The following TREM1 variants were observed in gnomAD, a reference collection of about 807,000 sequenced individuals.
TREM1 encodes the protein triggering receptor expressed on monocytes 1.
Under a neutral mutation model 22.4 loss-of-function variants are expected in TREM1, and 16 were observed. The observed-to-expected ratio is 0.71, with a 90% confidence interval of 0.48 to 1.08. TREM1 has a LOEUF of 1.08. Among genes scored for constraint, TREM1 ranks in the 50% least tolerant of loss-of-function variants. The pLI, the probability that TREM1 is intolerant of heterozygous loss-of-function variation, is 0.00. For missense variants in TREM1, 283 were observed against 282.9 expected (o/e 1.00, Z 0.00); for synonymous variants, 110 against 111.6 (o/e 0.99, Z 0.09).
In TREM1 at chr6:41,282,588, CT is replaced by C; in HGVS notation, c.212del (p.Glu71GlyfsTer17). On this transcript the variant is annotated frameshift_variant, in exon 2 of 4. Coordinates refer to ENST00000244709, the MANE Select transcript of TREM1 (RefSeq NM_018643.5). LOFTEE classifies it high-confidence loss of function. ...GEMPKTLACTERPSKNSHPVQ... is the reference protein window; with the variant it reads ...GEMPKTLACTXRPSKNSHPVQ... Reference sequence around the variant, plus strand: ...CTGGATGGGAATTCTTTGAAGGCCTCTCTGTGCATGCCAGGGTCTTGGGCAT... The same window carrying C: ...CTGGATGGGAATTCTTTGAAGGCCTCCTGTGCATGCCAGGGTCTTGGGCAT... The C allele has an allele frequency of 6.2e-7, 1 of 1,614,206 alleles. No homozygotes were observed.
At chr6:41,268,254 T>A (rs1019118716) in intron 3 of TREM1, among the ~76,000 whole-genome samples, 1 of 152,194 alleles carries the variant, frequency 6.6e-6, no homozygotes, top group Non-Finnish European at 1.5e-5. Context: ...TAGCCTCAAG[T>A]TTTCTCCAGT....
Position 41,282,590 on chromosome 6 carries a change from C to T in TREM1, c.211G>A (p.Glu71Lys). 1 of 1,614,086 alleles carries T rather than the reference C, an allele frequency of 6.2e-7. No homozygotes were observed. The highest frequency in any genetic ancestry group is 2.2e-5 in the East Asian group (1 of 44,888). The change falls in exon 2 of 4, where the codon GAG (glutamate) becomes AAG (lysine). Residue 71 changes from glutamate to lysine, a missense_variant. By Grantham distance (56) the Glu-to-Lys change is moderately conservative. Coordinates refer to ENST00000244709, the MANE Select transcript of TREM1 (RefSeq NM_018643.5). ...GEMPKTLACTERPSKNSHPVQ... is the reference protein window; with the variant it reads ...GEMPKTLACTKRPSKNSHPVQ... ...GGATGGGAATTCTTTGAAGGCCTCTCTGTGCATGCCAGGGTCTTGGGCATC... is the reference window on the plus strand; with the variant it reads ...GGATGGGAATTCTTTGAAGGCCTCTTTGTGCATGCCAGGGTCTTGGGCATC...
At chr6:41,272,498 G>A (rs35956709), downstream of TREM1, among the ~76,000 whole-genome samples, 15,243 of 152,148 alleles carry the variant, frequency 0.1, 961 homozygotes, top group African/African-American at 0.17. Flanking sequence ...GGACAGGCAC[G>A]TGGCTTCACT....
intron 3 of TREM1, chr6:41,280,591 T>G: frequency 1.6e-6 from 2 of 1,233,614 alleles, no homozygotes; most frequent in Non-Finnish European, 2.0e-6. Flanking sequence ...AAAGTCACAT[T>G]CAGTTAGTCA....
chr6:41,282,699 C>A lies in TREM1; in HGVS notation c.102G>T (p.Gly34=). The change falls in exon 2 of 4, where the codon GGG becomes GGT. Residue 34 remains glycine (G), a synonymous_variant. Transcript: ENST00000244709. ...LTEEKYELKE[G]QTLDVKCDYT... is the part of the protein sequence containing the mutation. ...AGTCACATTTCACATCCAGGGTCTGCCCCTCTTTCAGTTCATACTTTTCCT... is the reference window on the plus strand; with the variant it reads ...AGTCACATTTCACATCCAGGGTCTGACCCTCTTTCAGTTCATACTTTTCCT... 33 of 1,614,136 alleles carry A rather than the reference C, an allele frequency of 2.0e-5. No homozygotes were observed. Among genetic ancestry groups the A allele is most frequent in the Non-Finnish European group, 2.8e-5 (33 of 1,180,016 alleles).
intron 3 of TREM1, among the ~76,000 whole-genome samples, chr6:41,279,320 A>G (rs1197565490): frequency 6.6e-6 from 1 of 152,174 alleles, no homozygotes; most frequent in African/African-American, 2.4e-5. Context: ...TACCCTGGGG[A>G]GCGCTTTCTC....
rs766134942 is a variant in TREM1, at chr6:41,281,134, G to T, written c.426C>A (p.Gly142=). The T allele has an allele frequency of 6.2e-7, 1 of 1,613,738 alleles. No individual in the cohort carries two copies. The highest frequency in any genetic ancestry group is 8.5e-7 in the Non-Finnish European group (1 of 1,179,682). ...VVTKGFSGTP[G]SNENSTQNVY... is the part of the protein sequence containing the mutation. Reference sequence around the variant, plus strand: ...CATTCTGGGTAGAATTCTCATTGGAGCCAGGGGTCCCTGAAAAACCTGCAA... The same window carrying T: ...CATTCTGGGTAGAATTCTCATTGGATCCAGGGGTCCCTGAAAAACCTGCAA... The change falls in exon 3 of 4, where the codon GGC becomes GGA. Residue 142 remains glycine, a synonymous_variant. Transcript: ENST00000244709.
At chr6:41,280,673 GA>G (rs1767868314) in intron 3 of TREM1, 2 of 1,410,372 alleles carry the variant, frequency 1.4e-6, no homozygotes, top group Non-Finnish European at 1.8e-6. Context: ...GGGGTTGGAT[GA>G]GCTCCACTGG....
At chr6:41,276,769 G>A (rs534650591) in intron 3 of TREM1, among the ~76,000 whole-genome samples, 2 of 152,208 alleles carry the variant, frequency 1.3e-5, no homozygotes, top group South Asian at 4.1e-4. Context: ...CATGCAAGCA[G>A]ATGAGAGCAC....
At chr6:41,284,674 GGT>G (rs1768080093) in intron 1 of TREM1, among the ~76,000 whole-genome samples, 1 of 152,082 alleles carries the variant, frequency 6.6e-6, no homozygotes, top group African/African-American at 2.4e-5. Context: ...CACACACTTA[GGT>G]CCTTGCAGGC....
downstream of TREM1, among the ~76,000 whole-genome samples, chr6:41,271,661 C>G (rs190301987): frequency 1.7e-3 from 265 of 152,310 alleles, 1 homozygote; most frequent in Non-Finnish European, 2.0e-3. Flanking sequence ...GCTGAATCCA[C>G]CTAATTCTCT....
Position 41,275,471 on chromosome 6 carries a change from G to A in TREM1, c.*654C>T, listed in dbSNP as rs569218398. On this transcript the variant is annotated 3_prime_UTR_variant, in exon 4 of 4. Transcript: ENST00000244709. ...AAATGCACACAGGATGTCTGACATG[G>A]TCTGTTGTTGCTCTCCTATGGATCC... 1.3e-5 allele frequency: 2 copies of A among 152,460 alleles called. No homozygotes were observed. Among genetic ancestry groups the A allele is most frequent in the South Asian group, 4.1e-4 (2 of 4,834 alleles). The allele number at this position is 152,460 out of a possible 1,614,324, so 9.4% of individuals were successfully genotyped here. A position where few individuals can be genotyped will look rare whatever the true frequency, so the allele number is the denominator to read the frequency against.
downstream of TREM1, among the ~76,000 whole-genome samples, chr6:41,269,326 A>G (rs1767414783): frequency 6.6e-6 from 1 of 152,172 alleles, no homozygotes; most frequent in South Asian, 2.1e-4. Flanking sequence ...TGCCTCATCT[A>G]CTGCTATTGA....
downstream of TREM1, among the ~76,000 whole-genome samples, chr6:41,271,138 G>T (rs1767469808): frequency 6.6e-6 from 1 of 152,094 alleles, no homozygotes; most frequent in South Asian, 2.1e-4. Context: ...AGTTGTAGCT[G>T]GCACTAGTCT....
chr6:41,270,118 G>T (rs1268040755), downstream of TREM1: 1 of 152,186 alleles, frequency 6.6e-6, no homozygotes, highest in Admixed American at 6.5e-5. Flanking sequence ...CCACTGCCAG[G>T]CCTTCAGGCT....
At chr6:41,271,724 C>T (rs1767483392), downstream of TREM1, among the ~76,000 whole-genome samples, 1 of 152,180 alleles carries the variant, frequency 6.6e-6, no homozygotes, top group African/African-American at 2.4e-5. Flanking sequence ...TCGCCCAGTC[C>T]CTCCTGGGTC....
At chr6:41,276,628 G>A (rs111346247) in intron 3 of TREM1, among the ~76,000 whole-genome samples, 73 of 152,226 alleles carry the variant, frequency 4.8e-4, no homozygotes, top group Non-Finnish European at 9.4e-4. Context: ...GAATCCACCC[G>A]TAGTGAAAAT....
At chr6:41,284,254 T>A (rs1457376198) in intron 1 of TREM1, among the ~76,000 whole-genome samples, 1 of 152,182 alleles carries the variant, frequency 6.6e-6, no homozygotes, top group Non-Finnish European at 1.5e-5. Flanking sequence ...TAACATCTAA[T>A]GGATACCAGG....
rs902156688 is a variant in TREM1 at position 41,275,401 on chromosome 6, A to G, written c.*724T>C. On this transcript the variant is annotated 3_prime_UTR_variant, in exon 4 of 4. Transcript: ENST00000244709. The stretch of plus-strand genomic sequence containing the variant: ...TTATTCATGTGGCCTCGTTCTAGTC[A>G]CATACATTTCTGCCTTCACGGGGCT... 6.6e-6 allele frequency: 1 copy of G among 152,186 alleles called. No homozygotes were observed. Among genetic ancestry groups the G allele is most frequent in the Non-Finnish European group, 1.5e-5 (1 of 68,096 alleles). 9.4% of individuals were successfully genotyped at this position (152,186 alleles called of 1,614,324 possible). A position where few individuals can be genotyped will look rare whatever the true frequency, so the allele number is the denominator to read the frequency against.
Sources: gnomAD v4.1 joint callset for allele counts (sites outside exome capture counted in the v4.1 genomes callset) on GRCh38, gnomAD v4.1.1 for gene constraint, MANE v1.5 for transcripts, NCBI Gene and HGNC (gene_info 2026-07-23, HGNC 2026-07-21) for gene names.